Variants in CATSPERE observed in about 807,000 individuals in gnomAD.
CATSPERE encodes the protein cation channel sperm-associated auxiliary subunit epsilon.
Under a neutral mutation model 114.1 loss-of-function variants are expected in CATSPERE, and 93 were observed. The observed-to-expected ratio is 0.81, with a 90% CI of 0.69 to 0.97. CATSPERE has a LOEUF of 0.97. CATSPERE is among the 50% of genes least tolerant of loss of function. CATSPERE has a pLI of 0.00. For missense variants in CATSPERE, 1,058 were observed against 1,131.6 expected, an observed-to-expected ratio of 0.93 and a Z score of 0.93; for synonymous variants, 341 against 384.1, an observed-to-expected ratio of 0.89 and a Z score of 1.31.
chr1:244,622,749 G>A (rs970737843), intron 20 of CATSPERE, among the ~76,000 whole-genome samples: 1 of 152,142 alleles, frequency 6.6e-6, no homozygotes, highest in African/African-American at 2.4e-5. Flanking sequence ...TATTCTGGCT[G>A]TGGGAGAAAC....
chr1:244,615,008 G>A (rs1344765569), intron 19 of CATSPERE, among the ~76,000 whole-genome samples: 1 of 151,810 alleles, frequency 6.6e-6, no homozygotes, highest in Non-Finnish European at 1.5e-5. Context: ...TCTGATGAAC[G>A]ACCTCTAAAC....
At chr1:244,597,012 C>T (rs1344213774) in intron 17 of CATSPERE, among the ~76,000 whole-genome samples, 2 of 152,070 alleles carry the variant, frequency 1.3e-5, no homozygotes, top group Non-Finnish European at 2.9e-5. Context: ...TGTCTAAGGC[C>T]TGTCCCTCCA....
At chr1:244,516,114 C>T (rs1676569080) in intron 7 of CATSPERE, among the ~76,000 whole-genome samples, 1 of 151,670 alleles carries the variant, frequency 6.6e-6, no homozygotes. Context: ...TCGCTTGAGC[C>T]TGAAAGGCAG....
In CATSPERE at chr1:244,561,151, G is replaced by A. The variant is rs1662492643; in HGVS notation, c.1507+6G>A. On this transcript the variant is annotated splice_donor_region_variant and intron_variant, in intron 10 of 21. Transcript: ENST00000366534. The stretch of plus-strand genomic sequence containing the variant: ...TATTCATGAAGTTTTCATAGGTAAG[G>A]CATTCTCAGTCCACTAACATTATTC... The A allele has an allele frequency of 2.0e-6, 3 of 1,506,478 alleles. No individual in the cohort carries two copies. Among genetic ancestry groups the A allele is most frequent in the Non-Finnish European group, 2.8e-6 (3 of 1,089,114 alleles). 93.3% of individuals were successfully genotyped at this position (1,506,478 alleles called of 1,614,324 possible).
At chr1:244,491,221 A>G (rs1672089925) in intron 6 of CATSPERE, among the ~76,000 whole-genome samples, 1 of 152,216 alleles carries the variant, frequency 6.6e-6, no homozygotes, top group Admixed American at 6.5e-5. Context: ...CAAATGTAAA[A>G]GAACAGAAAT....
At chr1:244,483,410 A>G (rs187868425) in intron 5 of CATSPERE, among the ~76,000 whole-genome samples, 1 of 152,308 alleles carries the variant, frequency 6.6e-6, no homozygotes, top group East Asian at 1.9e-4. Flanking sequence ...TGCCTAAGTA[A>G]CTTTTGAAAG....
chr1:244,632,540 C>A (rs1026119469), intron 20 of CATSPERE, among the ~76,000 whole-genome samples: 2 of 151,658 alleles, frequency 1.3e-5, no homozygotes, highest in African/African-American at 4.8e-5. Context: ...GATTCTTATA[C>A]TTAAGAATGG....
upstream of CATSPERE, among the ~76,000 whole-genome samples, chr1:244,459,957 A>G (rs1387812392): frequency 6.6e-6 from 1 of 152,240 alleles, no homozygotes; most frequent in East Asian, 1.9e-4. Flanking sequence ...GGAAGAAGCC[A>G]GAGCTATCAA....
chr1:244,512,308 G>C (rs766716824), intron 7 of CATSPERE, among the ~76,000 whole-genome samples: 2 of 152,132 alleles, frequency 1.3e-5, no homozygotes, highest in Non-Finnish European at 1.5e-5. Flanking sequence ...TCTTCTGCTC[G>C]ATCAAGTCCA....
At chr1:244,632,742 A>C (rs1252750368) in intron 20 of CATSPERE, among the ~76,000 whole-genome samples, 1 of 152,166 alleles carries the variant, frequency 6.6e-6, no homozygotes, top group Non-Finnish European at 1.5e-5. Flanking sequence ...GGAGAAAGGA[A>C]CAACAAAATG....
intron 20 of CATSPERE, among the ~76,000 whole-genome samples, chr1:244,630,685 C>G (rs1300970244): frequency 6.6e-6 from 1 of 152,132 alleles, no homozygotes; most frequent in Non-Finnish European, 1.5e-5. Flanking sequence ...GGGAAGTGTT[C>G]TGGGATCAAA....
chr1:244,557,925 C>T (rs905297307), intron 9 of CATSPERE, among the ~76,000 whole-genome samples: 4 of 151,712 alleles, frequency 2.6e-5, no homozygotes, highest in Admixed American at 6.6e-5. Context: ...TGCTTTTTTC[C>T]TCTGCTTTTT....
intron 2 of CATSPERE, among the ~76,000 whole-genome samples, chr1:244,465,777 T>G (rs977829905): frequency 6.6e-6 from 1 of 152,238 alleles, no homozygotes; most frequent in Non-Finnish European, 1.5e-5. Flanking sequence ...AGATTTTGAT[T>G]GGGATTGCAC....
intron 20 of CATSPERE, among the ~76,000 whole-genome samples, chr1:244,620,186 C>T (rs1308592462): frequency 1.3e-5 from 2 of 152,164 alleles, no homozygotes; most frequent in African/African-American, 4.8e-5. Flanking sequence ...TCAGTGAGTC[C>T]AGTAGAGCCA....
intron 5 of CATSPERE, among the ~76,000 whole-genome samples, chr1:244,484,078 TTC>T (rs1670648678): frequency 6.6e-6 from 1 of 152,216 alleles, no homozygotes; most frequent in Non-Finnish European, 1.5e-5. Flanking sequence ...CCAGAATATC[TTC>T]TCTTTCACAT....
chr1:244,558,233 C>T (rs1661994520), intron 9 of CATSPERE, among the ~76,000 whole-genome samples: 1 of 151,314 alleles, frequency 6.6e-6, no homozygotes, highest in South Asian at 2.1e-4. Context: ...CCTCCGCCTC[C>T]CAGATTCAAG....
At position 244,633,712 on chromosome 1, in the gene CATSPERE, C is replaced by A. The variant is rs1472340844; in HGVS notation, c.2649-1777C>A. On this transcript the variant is annotated intron_variant, in intron 20 of 21. Transcript: ENST00000366534. The surrounding 1 kb of genome is among the most constrained non-coding windows in gnomAD (Gnocchi z 4.1). ...TTTCCTCATTATCCCTTAAACCTCA[C>A]AAATTCATTCCCATTTCCAAACCTT... 1.3e-5 allele frequency among the ~76,000 whole-genome samples: 2 copies of A among 152,020 alleles called. No homozygotes were observed. Among genetic ancestry groups the A allele is most frequent in the Admixed American group, 6.6e-5 (1 of 15,232 alleles).
At chr1:244,608,101 C>T (rs1426337757) in intron 18 of CATSPERE, among the ~76,000 whole-genome samples, 3 of 151,554 alleles carry the variant, frequency 2.0e-5, no homozygotes, top group African/African-American at 4.9e-5. Context: ...AGTGAGACTC[C>T]GTCTAAAAAA....
rs560213132 is a variant in CATSPERE, at chr1:244,521,466, G to A, written c.536+2768G>A. Among the ~76,000 whole-genome samples, 10 of 152,122 alleles carry A rather than the reference G, an allele frequency of 6.6e-5. No individual in the cohort carries two copies. The South Asian group carries it at 1.9e-3, about 29-fold the overall frequency. Reference sequence around the variant, plus strand: ...GTATCATATTTTTAAATGTTTTAATGTAATTTATTACATTAATAGCTTAAA... The same window carrying A: ...GTATCATATTTTTAAATGTTTTAATATAATTTATTACATTAATAGCTTAAA... On this transcript the variant is annotated intron_variant, in intron 8 of 21. Coordinates refer to ENST00000366534, the MANE Select transcript of CATSPERE (RefSeq NM_001130957.2).
Sources: gnomAD v4.1 joint callset for allele counts (sites outside exome capture counted in the v4.1 genomes callset) on GRCh38, gnomAD v4.1.1 for gene constraint, Gnocchi (gnomAD v3.1) non-coding constraint, MANE v1.5 for transcripts, NCBI Gene and HGNC (gene_info 2026-07-23, HGNC 2026-07-21) for gene names.